Variants in CCR5AS observed in about 807,000 individuals in gnomAD.
CCR5AS encodes the protein CCR5 antisense RNA.
At chr3:46,397,254 C>G (rs140438182) in intron 1 of CCR5AS, among the ~76,000 whole-genome samples, 1 of 152,204 alleles carries the variant, frequency 6.6e-6, no homozygotes, top group African/African-American at 2.4e-5. Flanking sequence ...ATAGTCAGTT[C>G]CGTACCTGAA....
intron 1 of CCR5AS, among the ~76,000 whole-genome samples, chr3:46,403,056 A>G (rs1702016534): frequency 6.6e-6 from 1 of 152,240 alleles, no homozygotes; most frequent in Admixed American, 6.5e-5. Context: ...TCGTGTTTCC[A>G]CAAAAAAACA....
chr3:46,389,125 CA>C (rs1307134068), intron 2 of CCR5AS, among the ~76,000 whole-genome samples: 1 of 151,584 alleles, frequency 6.6e-6, no homozygotes, highest in Admixed American at 6.6e-5. Flanking sequence ...AGCTCTGTTG[CA>C]AAAAGTAGGG....
At chr3:46,380,864 G>A (rs11575821) in intron 2 of CCR5AS, among the ~76,000 whole-genome samples, 20,316 of 152,206 alleles carry the variant, frequency 0.13, 1,528 homozygotes, top group Non-Finnish European at 0.15. Flanking sequence ...GATTCTAAGT[G>A]TAGCCAAGTC....
chr3:46,386,118 G>A (rs977731121), intron 2 of CCR5AS, among the ~76,000 whole-genome samples: 105 of 152,034 alleles, frequency 6.9e-4, no homozygotes, highest in Non-Finnish European at 1.4e-3. Context: ...GTCTTGCCAT[G>A]TTCCCCAGGC....
At chr3:46,370,345 G>C (rs1182182879) in intron 3 of CCR5AS, among the ~76,000 whole-genome samples, 1 of 152,070 alleles carries the variant, frequency 6.6e-6, no homozygotes, top group Non-Finnish European at 1.5e-5. Context: ...TTAGACAACA[G>C]GTTGTTTCCG....
intron 1 of CCR5AS, among the ~76,000 whole-genome samples, chr3:46,405,415 C>T (rs182011718): frequency 5.8e-4 from 88 of 152,250 alleles, no homozygotes; most frequent in Admixed American, 1.5e-3. Context: ...GAAGAGTGTG[C>T]GTACTCCCAG....
At chr3:46,403,626 CA>C (rs1248202991) in intron 1 of CCR5AS, among the ~76,000 whole-genome samples, 1 of 152,196 alleles carries the variant, frequency 6.6e-6, no homozygotes. Flanking sequence ...GGTGTGGCTG[CA>C]ACCCAATGGA....
intron 2 of CCR5AS, among the ~76,000 whole-genome samples, chr3:46,377,503 G>T (rs142547460): frequency 6.6e-6 from 1 of 152,120 alleles, no homozygotes; most frequent in African/African-American, 2.4e-5. Context: ...AGTTTAAATC[G>T]CTCTGAATAA....
chr3:46,375,667 G>C (rs1439997164), intron 2 of CCR5AS: 13 of 163,156 alleles, frequency 8.0e-5, no homozygotes, highest in Admixed American at 6.7e-4. Context: ...AATGGGGGTG[G>C]GGGGGGCGCC....
chr3:46,387,175 C>A (rs185998120), intron 2 of CCR5AS, among the ~76,000 whole-genome samples: 42 of 152,246 alleles, frequency 2.8e-4, no homozygotes, highest in African/African-American at 9.9e-4. Context: ...TAAGTGTGTA[C>A]TACCCAAGAT....
At chr3:46,381,070 A>G (rs1259335585) in intron 2 of CCR5AS, among the ~76,000 whole-genome samples, 2 of 152,198 alleles carry the variant, frequency 1.3e-5, no homozygotes, top group Non-Finnish European at 2.9e-5. Flanking sequence ...TGAGGCTCCA[A>G]GTATTTCACT....
chr3:46,371,476 A>G (rs1701658872), intron 2 of CCR5AS: 1 of 152,196 alleles, frequency 6.6e-6, no homozygotes, highest in South Asian at 2.1e-4. Context: ...TTCCTCTAAT[A>G]TATCAGTTTC....
intron 2 of CCR5AS, among the ~76,000 whole-genome samples, chr3:46,378,754 T>G (rs966440823): frequency 6.6e-6 from 1 of 151,958 alleles, no homozygotes; most frequent in East Asian, 1.9e-4. Flanking sequence ...CCGAGAGGAG[T>G]CTCCATTCGG....
chr3:46,400,984 G>T (rs556264782), intron 1 of CCR5AS, among the ~76,000 whole-genome samples: 1 of 152,166 alleles, frequency 6.6e-6, no homozygotes, highest in African/African-American at 2.4e-5. Context: ...GAGATGGTGC[G>T]AATGTTTTTG....
intron 2 of CCR5AS, chr3:46,373,241 C>A (rs867670777): frequency 1.2e-6 from 2 of 1,614,154 alleles, no homozygotes; most frequent in South Asian, 1.1e-5. Flanking sequence ...TAGGCTTCTT[C>A]TCTGGAATCT....
At chr3:46,369,916 A>C (rs1701638415) in intron 3 of CCR5AS, among the ~76,000 whole-genome samples, 1 of 152,126 alleles carries the variant, frequency 6.6e-6, no homozygotes, top group South Asian at 2.1e-4. Context: ...GCCTTCTTAG[A>C]GATCACAAGC....
chr3:46,373,013 C>G, intron 2 of CCR5AS: 1 of 1,614,202 alleles, frequency 6.2e-7, no homozygotes, highest in Non-Finnish European at 8.5e-7. Context: ...CTCCGCTCTA[C>G]TCACTGGTGT....
chr3:46,369,897 G>T (rs938623106), intron 3 of CCR5AS, among the ~76,000 whole-genome samples: 2 of 152,108 alleles, frequency 1.3e-5, no homozygotes, highest in African/African-American at 2.4e-5. Context: ...GCTGTTTGGG[G>T]TCTCATTTGC....
chr3:46,402,157 G>A (rs998748327), intron 1 of CCR5AS, among the ~76,000 whole-genome samples: 5 of 152,140 alleles, frequency 3.3e-5, no homozygotes, highest in African/African-American at 1.2e-4. Flanking sequence ...CTGCTTTAGG[G>A]AATAGTCAAC....
Sources: gnomAD v4.1 joint callset for allele counts (sites outside exome capture counted in the v4.1 genomes callset) on GRCh38, gnomAD v4.1.1 for gene constraint, MANE v1.5 for transcripts, NCBI Gene and HGNC (gene_info 2026-07-23, HGNC 2026-07-21) for gene names.